CRTC2: variants seen among roughly 807,000 people sequenced by gnomAD.
The protein encoded by CRTC2 is CREB regulated transcription coactivator 2, also known as CREB-regulated transcription coactivator 2.
Under a neutral mutation model 70.9 loss-of-function variants are expected in CRTC2, and 25 were observed. The observed-to-expected ratio is 0.35, with a 90% CI of 0.26 to 0.49. The LOEUF (loss-of-function observed/expected upper bound fraction) is 0.49. Ranked by LOEUF, CRTC2 falls within the 20% of genes least tolerant of loss-of-function variation. The pLI is 0.98. For synonymous variants in CRTC2, 330 were observed against 364.1 expected, an observed-to-expected ratio of 0.91 and a Z score of 1.07; for missense variants, 737 against 882.6, an observed-to-expected ratio of 0.83 and a Z score of 2.09.
At chr1:153,950,889 TG>T (rs1464931147) in intron 11 of CRTC2, among the ~76,000 whole-genome samples, 3 of 152,230 alleles carry the variant, frequency 2.0e-5, no homozygotes, top group African/African-American at 7.2e-5. Flanking sequence ...AGCTACTATT[TG>T]TCAAGCATAC....
At chr1:153,952,488 C>A in intron 8 of CRTC2, 42 bp from the exon 9 acceptor site, 1 of 1,613,272 alleles carries the variant, frequency 6.2e-7, no homozygotes, top group South Asian at 1.1e-5. Context: ...GGACAGTGCT[C>A]AGCAGAGAAC....
At chr1:153,953,901 C>G (rs773130473) in intron 4 of CRTC2, among the ~76,000 whole-genome samples, 3 of 152,118 alleles carry the variant, frequency 2.0e-5, no homozygotes, top group Non-Finnish European at 4.4e-5. Context: ...TTTAAGAAAT[C>G]TAAAAGTGCC....
chr1:153,950,800 C>T (rs10127983), intron 11 of CRTC2, among the ~76,000 whole-genome samples: 44,329 of 151,764 alleles, frequency 0.29, 6,648 homozygotes, highest in Admixed American at 0.39. Context: ...GGGGAGGAGA[C>T]GGGACAAGAT....
intron 13 of CRTC2, 58 bp downstream of exon 13, chr1:153,948,400 C>T: frequency 1.9e-6 from 3 of 1,611,168 alleles, no homozygotes; most frequent in African/African-American, 1.3e-5. Flanking sequence ...ATCTCCTACT[C>T]ATTAGTGAAT....
chr1:153,956,758 G>A (rs1410712859), intron 1 of CRTC2, among the ~76,000 whole-genome samples: 1 of 152,132 alleles, frequency 6.6e-6, no homozygotes, highest in Non-Finnish European at 1.5e-5. Context: ...AGACTTTTGG[G>A]TCCCCTGGCC....
intron 5 of CRTC2, 74 bp downstream of exon 5, chr1:153,953,464 G>A: frequency 1.3e-6 from 2 of 1,535,680 alleles, no homozygotes; most frequent in Non-Finnish European, 1.8e-6. Flanking sequence ...GTCTGGAACA[G>A]GGTGGGGGTG....
intron 1 of CRTC2, among the ~76,000 whole-genome samples, chr1:153,956,690 G>A (rs1284206955): frequency 2.6e-5 from 4 of 152,086 alleles, no homozygotes; most frequent in Admixed American, 6.5e-5. Context: ...TGTCTCAAAT[G>A]AGCCCTCCCA....
At chr1:153,952,682 T>C (rs1201896758) in intron 7 of CRTC2, 47 bp from the exon 8 acceptor site, 5 of 1,611,140 alleles carry the variant, frequency 3.1e-6, no homozygotes, top group Non-Finnish European at 4.2e-6. Flanking sequence ...AAAGAGCCAG[T>C]AAGGCAGGAC....
Position 153,958,330 on chromosome 1 carries a change from G to A in CRTC2, c.153+15C>T. 1.2e-6 allele frequency: 2 copies of A among 1,609,612 alleles called. No homozygotes were observed. The highest frequency in any genetic ancestry group is 1.7e-6 in the Non-Finnish European group (2 of 1,178,708). ...CTGCTCAGCTCTGCTCCGGCTCCCC[G>A]GCGCGGCCCCTCACCCGGGTGGAGC... On this transcript the variant is annotated intron_variant, in intron 1 of 13. Transcript: ENST00000368633.
intron 1 of CRTC2, chr1:153,958,064 C>T: frequency 7.5e-7 from 1 of 1,338,820 alleles, no homozygotes; most frequent in Non-Finnish European, 9.6e-7. Flanking sequence ...CACTCACCTC[C>T]TACCTCCGCC....
At chr1:153,950,034 G>A (rs1557866161) in intron 11 of CRTC2, among the ~76,000 whole-genome samples, 1 of 152,180 alleles carries the variant, frequency 6.6e-6, no homozygotes, top group Non-Finnish European at 1.5e-5. Flanking sequence ...CCTGGTTCAA[G>A]TGATCCTCCC....
At chr1:153,953,215 A>G in intron 6 of CRTC2, 51 bp downstream of exon 6, 1 of 901,550 alleles carries the variant, frequency 1.1e-6, no homozygotes, top group South Asian at 2.1e-5. Context: ...AAATAAATAA[A>G]TAAATAAATA....
Position 153,951,368 on chromosome 1 carries a change from G to A in CRTC2, c.1296C>T (p.Leu432=), listed in dbSNP as rs762839321. 1.7e-5 allele frequency: 28 copies of A among 1,612,834 alleles called. No individual in the cohort carries two copies. In the East Asian group the frequency reaches 2.5e-4, roughly 14 times the overall value. Residue 432 remains leucine (L), a synonymous_variant, in exon 11 of 14, where the codon CTC becomes CTT. Transcript: ENST00000368633. ...GGCCCGCGAGCAAACTCAGGGGGCTGAGGGGCACACGGCGGTGGTGGGGGG... is the reference window on the plus strand; with the variant it reads ...GGCCCGCGAGCAAACTCAGGGGGCTAAGGGGCACACGGCGGTGGTGGGGGG... ...GASPHHRRVP[L]SPLSLLAGPA... is the part of the protein sequence containing the mutation.
chr1:153,953,928 C>T (rs1235729371), intron 4 of CRTC2, among the ~76,000 whole-genome samples: 2 of 152,162 alleles, frequency 1.3e-5, no homozygotes, highest in Admixed American at 1.3e-4. Context: ...CTACATCTTG[C>T]ACCCACCCTT....
Position 153,948,004 on chromosome 1 carries a change from G to C in CRTC2, c.*105C>G. ...TGGCATCCTTCATTCATGCTAGAAAGAGGATCTGGGGACAGAGAGTAGAGT... is the reference window on the plus strand; with the variant it reads ...TGGCATCCTTCATTCATGCTAGAAACAGGATCTGGGGACAGAGAGTAGAGT... On this transcript the variant is annotated 3_prime_UTR_variant, in exon 14 of 14. Transcript: ENST00000368633. The C allele has an allele frequency of 9.0e-7, 1 of 1,108,074 alleles. No individual in the cohort carries two copies. The highest frequency in any genetic ancestry group is 1.3e-6 in the Non-Finnish European group (1 of 747,404). The allele number at this position is 1,108,074 out of a possible 1,614,324, so 68.6% of individuals were successfully genotyped here.
At chr1:153,957,478 C>T (rs1571085208) in intron 1 of CRTC2, among the ~76,000 whole-genome samples, 2 of 152,284 alleles carry the variant, frequency 1.3e-5, no homozygotes, top group Middle Eastern at 3.4e-3. Context: ...GTCCCTCTGA[C>T]CTCCAGCCTT....
chr1:153,952,687 C>G (rs1680419931), intron 7 of CRTC2, 52 bp from the exon 8 acceptor site: 1 of 1,610,624 alleles, frequency 6.2e-7, no homozygotes, highest in Non-Finnish European at 8.5e-7. Flanking sequence ...GCCAGTAAGG[C>G]AGGACAGGAA....
chr1:153,954,808 A>G (rs1374592311), intron 3 of CRTC2, 65 bp downstream of exon 3: 9 of 1,385,794 alleles, frequency 6.5e-6, no homozygotes, highest in Admixed American at 3.4e-5. Context: ...AGTGCTTCCT[A>G]TGAGTCCCTG....
chr1:153,948,921 AG>A (rs1291360474), intron 12 of CRTC2, 193 bp downstream of exon 12: 1 of 748,042 alleles, frequency 1.3e-6, no homozygotes, highest in Non-Finnish European at 2.3e-6. Context: ...ATAGAGGGGC[AG>A]GAGTAGGGTC....
Sources: allele counts gnomAD v4.1 joint callset (sites outside exome capture counted in the v4.1 genomes callset), GRCh38; gene constraint gnomAD v4.1.1; transcripts MANE v1.5; gene names NCBI Gene and HGNC (gene_info 2026-07-23, HGNC 2026-07-21).